LTBP1: variants seen among roughly 807,000 people sequenced by gnomAD.
LTBP1 encodes the protein latent-transforming growth factor beta-binding protein 1.
Under a neutral mutation model 207.6 loss-of-function variants are expected in LTBP1, and 129 were observed. That is an observed-to-expected ratio of 0.62 (90% CI 0.54 to 0.72). The LOEUF (loss-of-function observed/expected upper bound fraction) is 0.72. LTBP1 is among the 30% of genes least tolerant of loss of function. LTBP1 has a pLI of 0.00. For synonymous variants in LTBP1, 963 were observed against 833.7 expected (o/e 1.16, Z -2.67); for missense variants, 2,281 against 2,217.2 (o/e 1.03, Z -0.58).
chr2:32,959,976 A>C (rs1456359703), intron 2 of LTBP1, among the ~76,000 whole-genome samples: 1 of 152,068 alleles, frequency 6.6e-6, no homozygotes, highest in Non-Finnish European at 1.5e-5. Flanking sequence ...TATGCATTTC[A>C]TGTTCACACC....
At chr2:32,964,816 G>C (rs2148484507) in intron 2 of LTBP1, among the ~76,000 whole-genome samples, 1 of 152,192 alleles carries the variant, frequency 6.6e-6, no homozygotes, top group African/African-American at 2.4e-5. Flanking sequence ...GCTGAGGCGG[G>C]CGGATCATGA....
At chr2:33,200,190 A>G (rs975967681) in intron 7 of LTBP1, among the ~76,000 whole-genome samples, 40 of 152,344 alleles carry the variant, frequency 2.6e-4, no homozygotes, top group African/African-American at 9.6e-4. Flanking sequence ...CCAAAAGAAC[A>G]AAGCTGGAGG....
intron 26 of LTBP1, among the ~76,000 whole-genome samples, chr2:33,348,013 C>T (rs779420816): frequency 6.6e-5 from 10 of 152,128 alleles, no homozygotes; most frequent in Non-Finnish European, 1.2e-4. Context: ...TGTTTGCATT[C>T]GCTTAAAATT....
At chr2:33,394,438 G>T (rs926278762) in intron 32 of LTBP1, among the ~76,000 whole-genome samples, 14 of 152,112 alleles carry the variant, frequency 9.2e-5, no homozygotes, top group Non-Finnish European at 1.6e-4. Flanking sequence ...GGTCTAACAT[G>T]TAAGTCTTTA....
rs1355103587 is a variant in LTBP1, at chr2:33,252,668, C to T, written c.2000-9C>T. 6 of 1,604,394 alleles carry T rather than the reference C, an allele frequency of 3.7e-6. No homozygotes were observed. The highest frequency in any genetic ancestry group is 1.7e-4 in the Middle Eastern group (1 of 6,034). ...TCATGTAATGTCGGGCTTTATCTCT[C>T]TGCTTCAGCTGATCCCCCTGTGATC... On this transcript the variant is annotated splice_polypyrimidine_tract_variant and intron_variant, in intron 10 of 33. Coordinates refer to ENST00000404816, the MANE Select transcript of LTBP1 (RefSeq NM_206943.4).
chr2:33,103,016 C>T (rs1489575823), intron 3 of LTBP1, among the ~76,000 whole-genome samples: 1 of 151,774 alleles, frequency 6.6e-6, no homozygotes, highest in Non-Finnish European at 1.5e-5. Flanking sequence ...AGTCTGTATG[C>T]TGTATGCATT....
At chr2:32,992,451 A>G (rs1684562408) in intron 2 of LTBP1, among the ~76,000 whole-genome samples, 1 of 152,168 alleles carries the variant, frequency 6.6e-6, no homozygotes. Context: ...GTCCAAAAGA[A>G]GGGGAGTATC....
Position 33,268,152 on chromosome 2 carries a change from A to G in LTBP1, c.2617+4760A>G, listed in dbSNP as rs574931250. Among the ~76,000 whole-genome samples, 303 of 152,358 alleles carry G rather than the reference A, an allele frequency of 2.0e-3. 3 individuals carry two copies. The highest frequency in any genetic ancestry group is 6.6e-3 in the African/African-American group (274 of 41,586). ...CTTTAGAGCTACACTATACATAGTG[A>G]TCTGCATTAGCACAAGAAGACTGTT... On this transcript the variant is annotated intron_variant, in intron 15 of 33. Coordinates refer to ENST00000404816, the MANE Select transcript of LTBP1 (RefSeq NM_206943.4).
chr2:33,239,008 C>T (rs1311160488), intron 9 of LTBP1, among the ~76,000 whole-genome samples: 1 of 152,148 alleles, frequency 6.6e-6, no homozygotes, highest in Non-Finnish European at 1.5e-5. Context: ...AAAAGCCCAG[C>T]CCTCTTATTT....
At chr2:33,278,380 C>T (rs947340140) in intron 18 of LTBP1, among the ~76,000 whole-genome samples, 6 of 152,092 alleles carry the variant, frequency 3.9e-5, no homozygotes, top group African/African-American at 1.4e-4. Context: ...AGCCAAGAAA[C>T]GCGGCTGTTT....
At chr2:33,115,174 A>G (rs2080671723) in intron 4 of LTBP1, among the ~76,000 whole-genome samples, 1 of 152,130 alleles carries the variant, frequency 6.6e-6, no homozygotes, top group Non-Finnish European at 1.5e-5. Flanking sequence ...ATAAAAAGGA[A>G]TAAGATTGAT....
intron 11 of LTBP1, among the ~76,000 whole-genome samples, chr2:33,256,360 C>T (rs1376693738): frequency 1.3e-5 from 2 of 152,120 alleles, no homozygotes; most frequent in African/African-American, 4.8e-5. Context: ...CTTTTCCGTC[C>T]TCCGTAATCT....
intron 24 of LTBP1, among the ~76,000 whole-genome samples, chr2:33,338,293 C>T (rs2094576045): frequency 6.6e-6 from 1 of 152,142 alleles, no homozygotes; most frequent in African/African-American, 2.4e-5. Context: ...TCATAACCAG[C>T]TTGGGGCTTG....
At chr2:33,216,541 C>T (rs963684457) in intron 7 of LTBP1, among the ~76,000 whole-genome samples, 5 of 152,132 alleles carry the variant, frequency 3.3e-5, no homozygotes, top group South Asian at 4.2e-4. Context: ...AGTTTTTAAT[C>T]GGTAATGTGA....
chr2:33,082,431 AC>A (rs2078472498), intron 3 of LTBP1, among the ~76,000 whole-genome samples: 6 of 116,038 alleles, frequency 5.2e-5, no homozygotes, highest in East Asian at 2.8e-4. Flanking sequence ...AGTATGACTC[AC>A]TTTTTTTTTT....
In LTBP1 at chr2:33,134,654, T is replaced by G. The variant is rs370586296; in HGVS notation, c.1034-139T>G. The G allele has an allele frequency of 1.3e-6, 2 of 1,561,818 alleles. No individual in the cohort carries two copies. Among genetic ancestry groups the G allele is most frequent in the East Asian group, 4.5e-5 (2 of 44,064 alleles). On this transcript the variant is annotated intron_variant, in intron 4 of 33. Coordinates refer to ENST00000404816, the MANE Select transcript of LTBP1 (RefSeq NM_206943.4). This position sits in a 1 kb window ranked among gnomAD's most constrained non-coding sequence, Gnocchi z 4.4. ...GAAGGCTTCCCTCTTTCCTTAAACC[T>G]GTCGGGTTGTGGGCTCTCTCTTTTC...
intron 11 of LTBP1, among the ~76,000 whole-genome samples, chr2:33,255,041 A>G (rs1484324153): frequency 1.5e-5 from 2 of 135,826 alleles, no homozygotes; most frequent in Non-Finnish European, 3.1e-5. Context: ...CTCGTCATCT[A>G]GCATTAGGTA....
At chr2:33,289,120 A>G (rs565145336) in intron 19 of LTBP1, among the ~76,000 whole-genome samples, 111 of 152,324 alleles carry the variant, frequency 7.3e-4, no homozygotes, top group African/African-American at 2.5e-3. Context: ...CTAGTTTTCA[A>G]CAATGTACTT....
rs2093367284 is a variant in LTBP1 at position 33,273,734 on chromosome 2, T to G, written c.2696T>G (p.Ile899Arg). 6.2e-7 allele frequency: 1 copy of G among 1,611,466 alleles called. No homozygotes were observed. The highest frequency in any genetic ancestry group is 2.2e-5 in the East Asian group (1 of 44,726). The change falls in exon 16 of 34, where the codon ATA becomes AGA. Residue 899 changes from isoleucine (I) to arginine (R), a missense_variant. By Grantham distance (97) the Ile-to-Arg change is moderately conservative (BLOSUM62 -3). Around this residue, in one of 3 missense-constraint regions of LTBP1, gnomAD observed 1,671 missense variants for 1,634.8 expected, o/e 1.02. Coordinates refer to ENST00000404816, the MANE Select transcript of LTBP1 (RefSeq NM_206943.4). ...AACCTACCAGTGAGATATACCTGTA[T>G]ATGCTACGAGGGCTACAGGTTCAGT... The part of the protein sequence containing the change: ...CINLPVRYTC[I>R]CYEGYRFSEQ...
Sources: allele counts gnomAD v4.1 joint callset (sites outside exome capture counted in the v4.1 genomes callset), GRCh38; gene constraint gnomAD v4.1.1; regional missense constraint gnomAD v4.1.1; non-coding constraint Gnocchi (gnomAD v3.1); transcripts MANE v1.5; gene names NCBI Gene and HGNC (gene_info 2026-07-23, HGNC 2026-07-21).